Variants in MRPS31 observed in about 807,000 individuals in gnomAD.
MRPS31 encodes mitochondrial ribosomal protein S31, also known as small ribosomal subunit protein mS31.
In MRPS31, 32 loss-of-function variants were observed where a neutral mutation model predicts 43.1. The observed-to-expected ratio is 0.74, with a 90% CI of 0.56 to 1.00. The LOEUF is 1.00. Ranked by LOEUF, MRPS31 falls within the 50% of genes least tolerant of loss-of-function variation. MRPS31 has a pLI of 0.00. For synonymous variants in MRPS31, 165 were observed against 161.6 expected, an observed-to-expected ratio of 1.02 and a Z score of -0.16; for missense variants, 437 against 466.7, an observed-to-expected ratio of 0.94 and a Z score of 0.59.
chr13:40,755,435 C>G (rs1409731229), intron 4 of MRPS31, among the ~76,000 whole-genome samples: 4 of 152,226 alleles, frequency 2.6e-5, no homozygotes, highest in African/African-American at 9.6e-5. Flanking sequence ...ATAGTTTACA[C>G]GTGTTTCTTT....
intron 5 of MRPS31, among the ~76,000 whole-genome samples, chr13:40,750,991 GC>G (rs1476443289): frequency 1.3e-5 from 2 of 151,796 alleles, no homozygotes; most frequent in Non-Finnish European, 1.5e-5. Context: ...CTTTTGCCAA[GC>G]CCCCACTAAA....
intron 6 of MRPS31, among the ~76,000 whole-genome samples, chr13:40,732,221 T>G (rs1189471415): frequency 6.6e-6 from 1 of 152,242 alleles, no homozygotes; most frequent in African/African-American, 2.4e-5. Context: ...AGACGTTCCT[T>G]CCCAATTCCT....
intron 1 of MRPS31, among the ~76,000 whole-genome samples, chr13:40,767,283 G>A (rs9549285): frequency 0.17 from 25,408 of 151,760 alleles, 2,240 homozygotes; most frequent in South Asian, 0.29. Flanking sequence ...TCAACCTCCC[G>A]AGCAGCTAGG....
chr13:40,770,396 C>A (rs1347867925), intron 1 of MRPS31, among the ~76,000 whole-genome samples: 2 of 152,200 alleles, frequency 1.3e-5, no homozygotes, highest in East Asian at 3.8e-4. Context: ...AACCAGTGGT[C>A]CTCCTTCAGA....
intron 6 of MRPS31, among the ~76,000 whole-genome samples, chr13:40,740,659 C>T (rs1566105647): frequency 7.1e-6 from 1 of 139,900 alleles, no homozygotes; most frequent in Non-Finnish European, 1.5e-5. Flanking sequence ...AATTGGAAAT[C>T]ATCATTCTCA....
At chr13:40,739,132 T>C (rs1169342379) in intron 6 of MRPS31, among the ~76,000 whole-genome samples, 1 of 152,144 alleles carries the variant, frequency 6.6e-6, no homozygotes, top group African/African-American at 2.4e-5. Context: ...CAAGCATTCC[T>C]ATACACCAAC....
intron 2 of MRPS31, among the ~76,000 whole-genome samples, chr13:40,764,169 T>C (rs186867155): frequency 9.9e-5 from 15 of 151,912 alleles, no homozygotes; most frequent in African/African-American, 3.6e-4. Context: ...TCTGCAGGGG[T>C]TGGGGGGAGG....
chr13:40,746,417 C>T (rs1439718138), intron 6 of MRPS31, among the ~76,000 whole-genome samples: 1 of 152,062 alleles, frequency 6.6e-6, no homozygotes, highest in Non-Finnish European at 1.5e-5. Flanking sequence ...TAACAACTGC[C>T]TTAAGGAGCT....
At chr13:40,750,074 AGCTTTCTT>A in intron 5 of MRPS31, among the ~76,000 whole-genome samples, 1 of 152,316 alleles carries the variant, frequency 6.6e-6, no homozygotes, top group African/African-American at 2.4e-5. Flanking sequence ...AGTTAATGGC[AGCTTTCTT>A]TGTAATAGCC....
intron 6 of MRPS31, among the ~76,000 whole-genome samples, chr13:40,747,155 T>G (rs1210168985): frequency 6.6e-6 from 1 of 152,036 alleles, no homozygotes; most frequent in Non-Finnish European, 1.5e-5. Context: ...CTTGGCTCAC[T>G]GCAACCTCTA....
At chr13:40,740,624 A>G (rs1256752851) in intron 6 of MRPS31, among the ~76,000 whole-genome samples, 2 of 139,238 alleles carry the variant, frequency 1.4e-5, no homozygotes, top group Non-Finnish European at 3.1e-5. Context: ...TGATGAGTTC[A>G]TGTCCTTTGT....
chr13:40,749,908 T>C (rs1385355941), intron 5 of MRPS31, among the ~76,000 whole-genome samples: 2 of 152,230 alleles, frequency 1.3e-5, no homozygotes, highest in East Asian at 3.8e-4. Flanking sequence ...CACCAGTTAC[T>C]GCTGCTGGGA....
intron 6 of MRPS31, among the ~76,000 whole-genome samples, chr13:40,734,508 C>T (rs1461749926): frequency 9.2e-5 from 14 of 152,106 alleles, no homozygotes; most frequent in Non-Finnish European, 2.9e-5. Context: ...TAGCTAGAGA[C>T]TCAAGGAAAA....
At chr13:40,763,381 CCAGT>C (rs1880755642) in intron 2 of MRPS31, among the ~76,000 whole-genome samples, 1 of 152,158 alleles carries the variant, frequency 6.6e-6, no homozygotes, top group Non-Finnish European at 1.5e-5. Context: ...CCCACAGCAG[CCAGT>C]ATCTCTTGTA....
At chr13:40,739,509 G>A (rs1880018641) in intron 6 of MRPS31, among the ~76,000 whole-genome samples, 1 of 152,280 alleles carries the variant, frequency 6.6e-6, no homozygotes, top group East Asian at 1.9e-4. Context: ...GAACAAAGCT[G>A]GAGGCATCAC....
chr13:40,766,726 T>G lies in MRPS31; in HGVS notation c.440+20A>C. 1 of 1,561,116 alleles carries G rather than the reference T, an allele frequency of 6.4e-7. No homozygotes were observed. Among genetic ancestry groups the G allele is most frequent in the South Asian group, 1.2e-5 (1 of 82,546 alleles). The stretch of plus-strand genomic sequence containing the variant: ...GCTTACTGGAGTTTCAAACAACATC[T>G]GAATTACAATTAAATTTACCTCTTC... On this transcript the variant is annotated intron_variant, in intron 2 of 6. Coordinates refer to ENST00000323563, the MANE Select transcript of MRPS31 (RefSeq NM_005830.4).
chr13:40,734,828 C>T (rs548590437), intron 6 of MRPS31, among the ~76,000 whole-genome samples: 2 of 152,210 alleles, frequency 1.3e-5, no homozygotes, highest in Non-Finnish European at 2.9e-5. Context: ...CCCAGGAATT[C>T]GAGGTTGCAG....
At chr13:40,748,764 T>C (rs1018760277) in intron 6 of MRPS31, among the ~76,000 whole-genome samples, 2 of 152,150 alleles carry the variant, frequency 1.3e-5, no homozygotes, top group African/African-American at 4.8e-5. Context: ...CTTTTAAGAG[T>C]TGTAATGTTC....
In MRPS31 at chr13:40,749,301, T is replaced by C; in HGVS notation, c.815-20A>G. ...ATGTGTCTACATAATAAAGACATTTTAGATAACAACAAGTCAATGTAAGTA... is the reference window on the plus strand; with the variant it reads ...ATGTGTCTACATAATAAAGACATTTCAGATAACAACAAGTCAATGTAAGTA... On this transcript the variant is annotated intron_variant, in intron 5 of 6. Coordinates refer to ENST00000323563, the MANE Select transcript of MRPS31 (RefSeq NM_005830.4). The C allele has an allele frequency of 1.3e-6, 2 of 1,531,460 alleles. No homozygotes were observed. Among genetic ancestry groups the C allele is most frequent in the East Asian group, 2.4e-5 (1 of 41,002 alleles). 94.9% of individuals were successfully genotyped at this position (1,531,460 alleles called of 1,614,324 possible). A position where few individuals can be genotyped will look rare whatever the true frequency, so the allele number is the denominator to read the frequency against.
Sources: allele counts gnomAD v4.1 joint callset (sites outside exome capture counted in the v4.1 genomes callset), GRCh38; gene constraint gnomAD v4.1.1; transcripts MANE v1.5; gene names NCBI Gene and HGNC (gene_info 2026-07-23, HGNC 2026-07-21).